Variants in PCDHGB6 observed in about 807,000 individuals in gnomAD.
The protein encoded by PCDHGB6 is protocadherin gamma-B6.
Under a neutral mutation model 59.1 loss-of-function variants are expected in PCDHGB6, and 51 were observed. The ratio of observed to expected loss-of-function variants is 0.86; its 90% confidence interval spans 0.69 to 1.09. The LOEUF (loss-of-function observed/expected upper bound fraction) is 1.09. Among genes scored for constraint, PCDHGB6 ranks in the 50% least tolerant of loss-of-function variants. PCDHGB6 has a pLI of 0.00. For synonymous variants in PCDHGB6, 466 were observed against 495.1 expected (o/e 0.94, Z 0.78); for missense variants, 1,148 against 1,205.1 (o/e 0.95, Z 0.70).
Position 141,489,690 on chromosome 5 carries a change from A to T in PCDHGB6, c.2419-5117A>T. The T allele has an allele frequency of 6.2e-7, 1 of 1,614,198 alleles. No individual in the cohort carries two copies. The highest frequency in any genetic ancestry group is 8.5e-7 in the Non-Finnish European group (1 of 1,180,024). ...TCTCAGAATCAGCAGCATCTGGGGC[A>T]CGATTCCCACTGGACAGTGCCCAGG... On this transcript the variant is annotated intron_variant, in intron 1 of 3. Coordinates refer to ENST00000520790, the MANE Select transcript of PCDHGB6 (RefSeq NM_018926.3). The surrounding 1 kb of genome is among the most constrained non-coding windows in gnomAD (Gnocchi z 4.5).
intron 1 of PCDHGB6, chr5:141,422,413 GAA>G (rs753790858): frequency 6.2e-7 from 1 of 1,604,644 alleles, no homozygotes; most frequent in South Asian, 1.1e-5. Flanking sequence ...TTTTAAATTA[GAA>G]AAGACTTATG....
intron 1 of PCDHGB6, chr5:141,427,842 C>T: frequency 6.5e-7 from 1 of 1,549,268 alleles, no homozygotes. Flanking sequence ...TGCCTTCGAC[C>T]ACGAGCAGCT....
chr5:141,431,216 C>A lies in PCDHGB6; in HGVS notation c.2418+20596C>A. On this transcript the variant is annotated intron_variant, in intron 1 of 3. Coordinates refer to ENST00000520790, the MANE Select transcript of PCDHGB6 (RefSeq NM_018926.3). The surrounding 1 kb of genome is among the most constrained non-coding windows in gnomAD (Gnocchi z 4.8). ...AAATGCAGCCACTGAGATGCGGTTC[C>A]CTCTACCCCACGCCTGGGATCCGGA... The A allele has an allele frequency of 6.2e-7, 1 of 1,614,162 alleles. No homozygotes were observed. The highest frequency in any genetic ancestry group is 8.5e-7 in the Non-Finnish European group (1 of 1,180,048).
intron 1 of PCDHGB6, among the ~76,000 whole-genome samples, chr5:141,449,081 C>T (rs2098627623): frequency 6.6e-6 from 1 of 152,180 alleles, no homozygotes; most frequent in South Asian, 2.1e-4. Flanking sequence ...CCTGTACCTA[C>T]ATCAGTTTTT....
chr5:141,477,438 C>G lies in PCDHGB6; in HGVS notation c.2419-17369C>G. 6.2e-7 allele frequency: 1 copy of G among 1,614,174 alleles called. No homozygotes were observed. Among genetic ancestry groups the G allele is most frequent in the Non-Finnish European group, 8.5e-7 (1 of 1,180,030 alleles). On this transcript the variant is annotated intron_variant, in intron 1 of 3. Coordinates refer to ENST00000520790, the MANE Select transcript of PCDHGB6 (RefSeq NM_018926.3). The surrounding 1 kb of genome is among the most constrained non-coding windows in gnomAD (Gnocchi z 4.9). ...GGAACCCCTTCCCTCTCAGCCCTTACAATAGTGCGTGTTCAAGTGTCCGAC... is the reference window on the plus strand; with the variant it reads ...GGAACCCCTTCCCTCTCAGCCCTTAGAATAGTGCGTGTTCAAGTGTCCGAC...
At chr5:141,502,008 C>T (rs753492460) in intron 2 of PCDHGB6, among the ~76,000 whole-genome samples, 6 of 152,086 alleles carry the variant, frequency 3.9e-5, no homozygotes, top group Non-Finnish European at 8.8e-5. Context: ...AACCCGCATG[C>T]TCTCCTCCCT....
At chr5:141,422,281 T>C in intron 1 of PCDHGB6, 1 of 1,557,044 alleles carries the variant, frequency 6.4e-7, no homozygotes, top group Middle Eastern at 1.7e-4. Context: ...AACTATCACC[T>C]CTTCTATTAA....
At chr5:141,442,253 G>A (rs910914393) in intron 1 of PCDHGB6, 2 of 153,064 alleles carry the variant, frequency 1.3e-5, no homozygotes, top group Non-Finnish European at 2.9e-5. Flanking sequence ...TGCATTGTTT[G>A]TGCTGGTTTT....
rs2095030679 is a variant in PCDHGB6, at chr5:141,408,038, C to G, written c.-165C>G. On this transcript the variant is annotated 5_prime_UTR_variant, in exon 1 of 4. Transcript: ENST00000520790. Reference sequence around the variant, plus strand: ...CCAACAACAGAAAGAAGAAAACCAGCTCCCACACAGAGCCTCCCGGCTGCG... The same window carrying G: ...CCAACAACAGAAAGAAGAAAACCAGGTCCCACACAGAGCCTCCCGGCTGCG... The G allele has an allele frequency of 8.6e-7, 1 of 1,156,402 alleles. No homozygotes were observed. The highest frequency in any genetic ancestry group is 3.0e-5 in the Admixed American group (1 of 33,240). 71.6% of individuals were successfully genotyped at this position (1,156,402 alleles called of 1,614,324 possible).
In PCDHGB6 at chr5:141,476,303, G is replaced by T. The variant is rs747567754; in HGVS notation, c.2419-18504G>T. ...TGGTTTGGATCTCGGTAGCCTCTCA[G>T]CCCGCAGGTTCCGGGTGGTGTCTGG... is the stretch of plus-strand genomic sequence containing the variant. On this transcript the variant is annotated intron_variant, in intron 1 of 3. Coordinates refer to ENST00000520790, the MANE Select transcript of PCDHGB6 (RefSeq NM_018926.3). The surrounding 1 kb of genome is among the most constrained non-coding windows in gnomAD (Gnocchi z 7.6). 6.2e-7 allele frequency: 1 copy of T among 1,613,872 alleles called. No individual in the cohort carries two copies. Among genetic ancestry groups the T allele is most frequent in the Admixed American group, 1.7e-5 (1 of 60,000 alleles).
Position 141,486,657 on chromosome 5 carries a change from T to C in PCDHGB6, c.2419-8150T>C. Reference sequence around the variant, plus strand: ...AATGCGCTTATCTCCTACTCACTCCTGGAGCCCAGGAATCGAGATGTATCA... The same window carrying C: ...AATGCGCTTATCTCCTACTCACTCCCGGAGCCCAGGAATCGAGATGTATCA... On this transcript the variant is annotated intron_variant, in intron 1 of 3. Transcript: ENST00000520790. The surrounding 1 kb of genome is among the most constrained non-coding windows in gnomAD (Gnocchi z 5.0). The C allele has an allele frequency of 6.2e-7, 1 of 1,614,010 alleles. No individual in the cohort carries two copies. Among genetic ancestry groups the C allele is most frequent in the Non-Finnish European group, 8.5e-7 (1 of 1,180,030 alleles).
intron 2 of PCDHGB6, among the ~76,000 whole-genome samples, chr5:141,502,109 C>G (rs2099812899): frequency 1.3e-5 from 2 of 152,182 alleles, no homozygotes; most frequent in Admixed American, 1.3e-4. Flanking sequence ...ACCCTGCACC[C>G]TCAGCCAGGC....
At position 141,476,744 on chromosome 5, in the gene PCDHGB6, CT is replaced by C; in HGVS notation, c.2419-18062del. ...CCTGGACCGAGAACGGGAGCCTAGT[CT>C]CCAGTTAGTGCTGACGGCGTTGGAC... is the stretch of plus-strand genomic sequence containing the variant. On this transcript the variant is annotated intron_variant, in intron 1 of 3. Coordinates refer to ENST00000520790, the MANE Select transcript of PCDHGB6 (RefSeq NM_018926.3). The surrounding 1 kb of genome is among the most constrained non-coding windows in gnomAD (Gnocchi z 7.6). 6.2e-7 allele frequency: 1 copy of C among 1,614,046 alleles called. No homozygotes were observed. Among genetic ancestry groups the C allele is most frequent in the East Asian group, 2.2e-5 (1 of 44,884 alleles).
At chr5:141,441,279 C>T (rs3792898) in intron 1 of PCDHGB6, 17,193 of 152,116 alleles carry the variant, frequency 0.11, 1,155 homozygotes, top group African/African-American at 0.18. Context: ...CGGGAGAAAA[C>T]GAGGTCACAT....
At chr5:141,510,272 TAA>T (rs546154379) in intron 3 of PCDHGB6, among the ~76,000 whole-genome samples, 46 of 130,286 alleles carry the variant, frequency 3.5e-4, no homozygotes, top group South Asian at 5.0e-4. Context: ...GACTCCATCT[TAA>T]AAAAAAAAAA....
In PCDHGB6 at chr5:141,491,927, G is replaced by A. The variant is rs1314503730; in HGVS notation, c.2419-2880G>A. 3 of 1,309,982 alleles carry A rather than the reference G, an allele frequency of 2.3e-6. No individual in the cohort carries two copies. In the African/African-American group the frequency reaches 4.5e-5, roughly 20 times the overall value. 81.1% of individuals were successfully genotyped at this position (1,309,982 alleles called of 1,614,324 possible). A position where few individuals can be genotyped will look rare whatever the true frequency, so the allele number is the denominator to read the frequency against. On this transcript the variant is annotated intron_variant, in intron 1 of 3. Coordinates refer to ENST00000520790, the MANE Select transcript of PCDHGB6 (RefSeq NM_018926.3). The surrounding 1 kb of genome is among the most constrained non-coding windows in gnomAD (Gnocchi z 6.9). ...GTGGTGGCGACTGTGGGCGAGGGGAGGTGGGACCGACCCCCACCCCTACAC... is the reference window on the plus strand; with the variant it reads ...GTGGTGGCGACTGTGGGCGAGGGGAAGTGGGACCGACCCCCACCCCTACAC...
chr5:141,444,360 G>A (rs556605314), intron 1 of PCDHGB6, among the ~76,000 whole-genome samples: 1 of 151,652 alleles, frequency 6.6e-6, no homozygotes, highest in South Asian at 2.1e-4. Context: ...TAGTAGAGAC[G>A]GGGTTTCTCC....
rs113212669 is a variant in PCDHGB6 at position 141,465,048 on chromosome 5, A to T, written c.2419-29759A>T. 2.4e-3 allele frequency among the ~76,000 whole-genome samples: 362 copies of T among 151,344 alleles called. 4 individuals are homozygous for T. Among genetic ancestry groups the T allele is most frequent in the African/African-American group, 8.4e-3 (346 of 41,268 alleles). On this transcript the variant is annotated intron_variant, in intron 1 of 3. Transcript: ENST00000520790. ...TGAACCACCACAAATGACCCTATAT[A>T]TTTTTTTGAATTGTCTGTTCATGTC...
chr5:141,496,377 G>A (rs1413938730), intron 2 of PCDHGB6, among the ~76,000 whole-genome samples: 1 of 152,114 alleles, frequency 6.6e-6, no homozygotes, highest in Non-Finnish European at 1.5e-5. Flanking sequence ...CAGGAGCTTG[G>A]GCCACCTTAC....
Sources: gnomAD v4.1 joint callset for allele counts (sites outside exome capture counted in the v4.1 genomes callset) on GRCh38, gnomAD v4.1.1 for gene constraint, Gnocchi (gnomAD v3.1) non-coding constraint, MANE v1.5 for transcripts, NCBI Gene and HGNC (gene_info 2026-07-23, HGNC 2026-07-21) for gene names.